The following CSMD1 variants were observed in gnomAD, a reference collection of about 807,000 sequenced individuals.
The protein encoded by CSMD1 is CUB and Sushi multiple domains 1, also known as CUB and sushi domain-containing protein 1.
A neutral mutation model predicts 417.5 loss-of-function variants in CSMD1; 213 were observed. The ratio of observed to expected loss-of-function variants is 0.51; its 90% CI spans 0.46 to 0.57. The LOEUF is 0.57. Among genes scored for constraint, CSMD1 ranks in the 20% least tolerant of loss-of-function variants. CSMD1 has a pLI of 0.00. For missense variants in CSMD1, 6,923 were observed against 4,529.7 expected, an observed-to-expected ratio of 1.53 and a Z score of -15.17; for synonymous variants, 2,862 against 1,736.8, an observed-to-expected ratio of 1.65 and a Z score of -16.11.
chr8:3,958,444 ATATT>A (rs1432775071), intron 5 of CSMD1, among the ~76,000 whole-genome samples: 4 of 152,086 alleles, frequency 2.6e-5, no homozygotes, highest in Non-Finnish European at 5.9e-5. Context: ...CGTTTTTGAA[ATATT>A]TGTTTTATTT....
In CSMD1 at chr8:3,039,033, T is replaced by C. The variant is rs78453235; in HGVS notation, c.7661-9520A>G. Among the ~76,000 whole-genome samples the C allele has an allele frequency of 9.3e-3, 1,410 of 152,272 alleles. 30 individuals are homozygous for C. The highest frequency in any genetic ancestry group is 0.032 in the African/African-American group (1,333 of 41,552). On this transcript the variant is annotated intron_variant, in intron 50 of 69. Transcript: ENST00000635120. ...GGTCAACTCTTGAGTACTTTGGATCTTCGCAGAAGAGATCTAGACAGAAAG... is the reference window on the plus strand; with the variant it reads ...GGTCAACTCTTGAGTACTTTGGATCCTCGCAGAAGAGATCTAGACAGAAAG...
intron 3 of CSMD1, among the ~76,000 whole-genome samples, chr8:4,058,394 G>A (rs1798806501): frequency 6.6e-6 from 1 of 152,116 alleles, no homozygotes; most frequent in Non-Finnish European, 1.5e-5. Flanking sequence ...TGTATCCTCA[G>A]ACTTTGCTGA....
At chr8:4,057,206 C>CT (rs1164519403) in intron 3 of CSMD1, among the ~76,000 whole-genome samples, 1 of 152,112 alleles carries the variant, frequency 6.6e-6, no homozygotes, top group South Asian at 2.1e-4. Context: ...TGTTTCCTGA[C>CT]TTTTTAATGA....
chr8:3,343,391 A>C lies in CSMD1; in HGVS notation c.3534T>G (p.Leu1178=), dbSNP rs147764737. 8,368 of 1,613,716 alleles carry C rather than the reference A, an allele frequency of 5.2e-3. 42 individuals are homozygous for C. The highest frequency in any genetic ancestry group is 6.2e-3 in the Non-Finnish European group (7,315 of 1,179,706). The part of the protein sequence containing the change: ...RPLGTFTKNE[L]LGLILNSTSN... ...ATGTGCTGTTTAGGATCAGCCCCAG[A>C]AGTTCATTTTTAGTGAACGTGCCCA... Residue 1178 remains leucine (L), a synonymous_variant, in exon 23 of 70, where the codon CTT becomes CTG. Coordinates refer to ENST00000635120, the MANE Select transcript of CSMD1 (RefSeq NM_033225.6).
chr8:4,256,848 G>A (rs1803492529), intron 3 of CSMD1, among the ~76,000 whole-genome samples: 1 of 152,194 alleles, frequency 6.6e-6, no homozygotes, highest in Non-Finnish European at 1.5e-5. Context: ...ATCCCTCCAA[G>A]AGTCACCATC....
chr8:3,697,303 G>T (rs1800607643), intron 7 of CSMD1, among the ~76,000 whole-genome samples: 1 of 152,052 alleles, frequency 6.6e-6, no homozygotes, highest in Non-Finnish European at 1.5e-5. Flanking sequence ...AACATTTTCG[G>T]TTTTCTCCTT....
At chr8:4,734,045 A>T (rs970426500) in intron 1 of CSMD1, among the ~76,000 whole-genome samples, 4 of 152,222 alleles carry the variant, frequency 2.6e-5, no homozygotes, top group Non-Finnish European at 5.9e-5. Flanking sequence ...AGAATATCTT[A>T]ACATATTTGG....
intron 3 of CSMD1, among the ~76,000 whole-genome samples, chr8:4,341,952 A>C (rs1235636562): frequency 6.6e-6 from 1 of 152,138 alleles, no homozygotes; most frequent in East Asian, 1.9e-4. Context: ...ATGGACTGAC[A>C]CATATTACCC....
intron 5 of CSMD1, among the ~76,000 whole-genome samples, chr8:3,979,919 C>T (rs763207325): frequency 9.2e-5 from 14 of 152,068 alleles, no homozygotes; most frequent in Non-Finnish European, 1.8e-4. Context: ...CCATAAAGAC[C>T]CTTTGTCCTC....
At chr8:3,300,941 AGAGT>A (rs1425884482) in intron 25 of CSMD1, among the ~76,000 whole-genome samples, 2 of 133,066 alleles carry the variant, frequency 1.5e-5, no homozygotes, top group African/African-American at 5.6e-5. Context: ...CCTGGACAAC[AGAGT>A]GAGACTCTGT....
At chr8:3,675,574 G>T (rs927740906) in intron 7 of CSMD1, among the ~76,000 whole-genome samples, 2 of 152,010 alleles carry the variant, frequency 1.3e-5, no homozygotes, top group Non-Finnish European at 2.9e-5. Flanking sequence ...TGGTTTACAT[G>T]CAGACACGAG....
At chr8:4,110,688 T>C (rs991736966) in intron 3 of CSMD1, among the ~76,000 whole-genome samples, 3 of 152,214 alleles carry the variant, frequency 2.0e-5, no homozygotes, top group East Asian at 3.9e-4. Context: ...GAAAATGTTT[T>C]GCTGCTTATA....
chr8:3,914,178 G>A (rs994522948), intron 5 of CSMD1, among the ~76,000 whole-genome samples: 2 of 152,188 alleles, frequency 1.3e-5, no homozygotes, highest in Non-Finnish European at 2.9e-5. Context: ...ACAAGAAAAA[G>A]TACTTTTAAC....
chr8:4,976,209 G>C (rs965753428), intron 1 of CSMD1, among the ~76,000 whole-genome samples: 8 of 152,128 alleles, frequency 5.3e-5, no homozygotes, highest in African/African-American at 1.7e-4. Context: ...CTAACTCACT[G>C]CCTGGGTGAC....
chr8:3,039,348 T>C lies in CSMD1; in HGVS notation c.7661-9835A>G, dbSNP rs569703536. Among the ~76,000 whole-genome samples, 20 of 143,002 alleles carry C rather than the reference T, an allele frequency of 1.4e-4. No homozygotes were observed. The South Asian group carries it at 4.1e-3, about 29-fold the overall frequency. The allele number at this position is 143,002 out of a possible 152,430, so 93.8% of individuals were successfully genotyped here. On this transcript the variant is annotated intron_variant, in intron 50 of 69. Transcript: ENST00000635120. ...TTTCCTTTCTTTCTTCCTTTCCGCC[T>C]TCCTTCCTTCCTCCTTTACTTTCCT...
intron 1 of CSMD1, among the ~76,000 whole-genome samples, chr8:4,765,100 T>C (rs1253679808): frequency 6.6e-6 from 1 of 152,132 alleles, no homozygotes; most frequent in Non-Finnish European, 1.5e-5. Flanking sequence ...CATGGGCTCA[T>C]TCACTGGGTT....
At chr8:3,397,936 T>G (rs1187376413) in intron 16 of CSMD1, among the ~76,000 whole-genome samples, 1 of 152,202 alleles carries the variant, frequency 6.6e-6, no homozygotes, top group Non-Finnish European at 1.5e-5. Flanking sequence ...AACATTTCCT[T>G]ATGCAATTCA....
intron 2 of CSMD1, among the ~76,000 whole-genome samples, chr8:4,533,237 C>A (rs1290150457): frequency 6.6e-6 from 1 of 152,182 alleles, no homozygotes; most frequent in Non-Finnish European, 1.5e-5. Context: ...CAGTGGTGCT[C>A]CAAGAAGCAA....
intron 23 of CSMD1, among the ~76,000 whole-genome samples, chr8:3,333,030 G>C (rs1807010365): frequency 2.0e-5 from 3 of 152,170 alleles, no homozygotes; most frequent in African/African-American, 4.8e-5. Context: ...CATGGCTTTG[G>C]AGAAGCCAGC....
Sources: gnomAD v4.1 joint callset for allele counts (sites outside exome capture counted in the v4.1 genomes callset) on GRCh38, gnomAD v4.1.1 for gene constraint, MANE v1.5 for transcripts, NCBI Gene and HGNC (gene_info 2026-07-23, HGNC 2026-07-21) for gene names.